DPF3: variants seen among roughly 807,000 people sequenced by gnomAD.
The protein encoded by DPF3 is double PHD fingers 3.
In DPF3, 18 loss-of-function variants were observed where a neutral mutation model predicts 56.8. The ratio of observed to expected loss-of-function variants is 0.32; its 90% CI spans 0.22 to 0.47. The LOEUF (loss-of-function observed/expected upper bound fraction) is 0.47. Among genes scored for constraint, DPF3 ranks in the 20% least tolerant of loss-of-function variants. The probability of loss-of-function intolerance (pLI) is 1.00; values close to 1 mark genes in which losing one functional copy is unlikely to be tolerated. For missense variants in DPF3, 403 were observed against 488.8 expected (o/e 0.82, Z 1.65); for synonymous variants, 188 against 180.2 (o/e 1.04, Z -0.35).
At chr14:72,836,396 C>G (rs1884295901) in intron 1 of DPF3, 12 of 985,546 alleles carry the variant, frequency 1.2e-5, no homozygotes, top group Non-Finnish European at 1.4e-5. Flanking sequence ...GGGGCAAACC[C>G]CTGGCCTACT....
At chr14:72,662,858 A>G in intron 8 of DPF3, 1 of 984,558 alleles carries the variant, frequency 1.0e-6, no homozygotes, top group Non-Finnish European at 1.2e-6. Flanking sequence ...GCAATGAAAG[A>G]TAAAACAAAA....
chr14:72,861,451 C>A (rs1221743163), intron 1 of DPF3, among the ~76,000 whole-genome samples: 1 of 152,110 alleles, frequency 6.6e-6, no homozygotes, highest in Admixed American at 6.6e-5. Context: ...ATGTTTCTCA[C>A]CCACTTTTGA....
At chr14:72,653,284 T>A (rs1205497885) in intron 8 of DPF3, among the ~76,000 whole-genome samples, 4 of 152,200 alleles carry the variant, frequency 2.6e-5, no homozygotes, top group African/African-American at 9.6e-5. Flanking sequence ...TGGTGATTAT[T>A]CAGCATGTCA....
chr14:72,817,135 C>T (rs1474530942), intron 1 of DPF3, among the ~76,000 whole-genome samples: 1 of 152,204 alleles, frequency 6.6e-6, no homozygotes, highest in Non-Finnish European at 1.5e-5. Flanking sequence ...TCCAGGGGTC[C>T]TCCACGGGCT....
intron 3 of DPF3, among the ~76,000 whole-genome samples, chr14:72,750,921 T>C (rs1890547308): frequency 6.6e-6 from 1 of 151,862 alleles, no homozygotes; most frequent in Admixed American, 6.6e-5. Context: ...CCAGGCACAG[T>C]AGCTCCTGCC....
At chr14:72,782,913 C>T (rs1892044599) in intron 1 of DPF3, among the ~76,000 whole-genome samples, 1 of 152,138 alleles carries the variant, frequency 6.6e-6, no homozygotes, top group Admixed American at 6.5e-5. Flanking sequence ...GCACTCAGAG[C>T]AAAATCCAAA....
intron 1 of DPF3, among the ~76,000 whole-genome samples, chr14:72,840,453 C>A (rs1397298832): frequency 6.6e-6 from 1 of 152,218 alleles, no homozygotes; most frequent in East Asian, 1.9e-4. Context: ...CTACTCACAG[C>A]CCCTGCCTTT....
chr14:72,697,237 C>T (rs1238189663), intron 6 of DPF3, among the ~76,000 whole-genome samples: 1 of 152,146 alleles, frequency 6.6e-6, no homozygotes, highest in South Asian at 2.1e-4. Context: ...CTAATATGTG[C>T]CCCACCCTGT....
chr14:72,840,598 A>G (rs1041219798), intron 1 of DPF3, among the ~76,000 whole-genome samples: 3 of 152,206 alleles, frequency 2.0e-5, no homozygotes, highest in African/African-American at 7.2e-5. Context: ...CAAAAATGGA[A>G]TTATACATCA....
chr14:72,711,140 T>C (rs1168807195), intron 6 of DPF3, among the ~76,000 whole-genome samples: 3 of 152,178 alleles, frequency 2.0e-5, no homozygotes, highest in Admixed American at 6.5e-5. Flanking sequence ...CCACTACACA[T>C]AAACCCAGAA....
chr14:72,748,421 T>C (rs780969786), intron 3 of DPF3, among the ~76,000 whole-genome samples: 11 of 151,264 alleles, frequency 7.3e-5, no homozygotes, highest in Non-Finnish European at 1.5e-4. Flanking sequence ...TTCAGTTTTA[T>C]AAGGGAAGCA....
At position 72,771,804 on chromosome 14, in the gene DPF3, A is replaced by T; in HGVS notation, c.122T>A (p.Phe41Tyr). The T allele has an allele frequency of 6.2e-7, 1 of 1,613,882 alleles. No individual in the cohort carries two copies. Among genetic ancestry groups the T allele is most frequent in the Non-Finnish European group, 8.5e-7 (1 of 1,179,856 alleles). Residue 41 changes from phenylalanine (F) to tyrosine (Y), a missense_variant, in exon 2 of 11, where the codon TTC becomes TAC. This residue lies in a region of DPF3 where 340 missense variants were observed against 374.3 expected (regional missense o/e 0.91). Transcript: ENST00000556509. ...GGCCACCCCAGTCTGTGAGTCCAGG[A>T]AGGGAAGACGCACGCTGCGCTCTGC... ...LCAERSVRLPFLDSQTGVAQN... is the reference protein window; with the variant it reads ...LCAERSVRLPYLDSQTGVAQN...
intron 1 of DPF3, among the ~76,000 whole-genome samples, chr14:72,872,090 T>C (rs1885922808): frequency 6.6e-6 from 1 of 152,216 alleles, no homozygotes; most frequent in African/African-American, 2.4e-5. Context: ...TGCCAACGCT[T>C]GGGGCTTCCA....
At chr14:72,764,913 G>A (rs1476786759) in intron 2 of DPF3, among the ~76,000 whole-genome samples, 1 of 152,126 alleles carries the variant, frequency 6.6e-6, no homozygotes, top group African/African-American at 2.4e-5. Flanking sequence ...TGAAGTTGAG[G>A]CAGTGCTGTG....
chr14:72,670,586 G>C (rs75304008), intron 8 of DPF3: 2 of 986,868 alleles, frequency 2.0e-6, no homozygotes, highest in Non-Finnish European at 1.2e-6. Flanking sequence ...TCTCCCCACC[G>C]GGCGGCTTGC....
At chr14:72,628,131 G>A (rs1884941888) in intron 9 of DPF3, among the ~76,000 whole-genome samples, 1 of 152,052 alleles carries the variant, frequency 6.6e-6, no homozygotes, top group African/African-American at 2.4e-5. Flanking sequence ...ATTAGGTAAT[G>A]TCTCTAGAAT....
Position 72,629,700 on chromosome 14 carries a change from G to A in DPF3, c.908C>T (p.Thr303Ile), listed in dbSNP as rs1274320597. Residue 303 changes from threonine (T) to isoleucine (I), a missense_variant, in exon 9 of 11, where the codon ACC (threonine) becomes ATC (isoleucine). Transcript: ENST00000556509. ...CCACTTGTAGGTCTTGACAGCCTCG[G>A]TCATGTTCAGGGTAAACTGCAGGCA... ...PTCLQFTLNMTEAVKTYKWQC... is the reference protein window; with the variant it reads ...PTCLQFTLNMIEAVKTYKWQC... The A allele has an allele frequency of 6.5e-7, 1 of 1,536,108 alleles. No individual in the cohort carries two copies. The highest frequency in any genetic ancestry group is 8.7e-7 in the Non-Finnish European group (1 of 1,146,880).
rs55820708 is a variant in DPF3 at position 72,624,333 on chromosome 14, C to CTTTTTTTTTTTTT, written c.985-4362_985-4350dup. Among the ~76,000 whole-genome samples, 61 of 97,802 alleles carry CTTTTTTTTTTTTT rather than the reference C, an allele frequency of 6.2e-4. 1 individual carries two copies. Among genetic ancestry groups the CTTTTTTTTTTTTT allele is most frequent in the African/African-American group, 2.1e-3 (55 of 25,850 alleles). 64.2% of individuals were successfully genotyped at this position (97,802 alleles called of 152,430 possible). Reference sequence around the variant, plus strand: ...TTCTCCAGTTTTCCCACCTATGTCTCTTTTTTTTTTTTTTTTTTTTTCTGA... The same window carrying CTTTTTTTTTTTTT: ...TTCTCCAGTTTTCCCACCTATGTCTCTTTTTTTTTTTTTTTTTTTTTTTTTTTTTTTTTTCTGA... On this transcript the variant is annotated intron_variant, in intron 9 of 10. Coordinates refer to ENST00000556509, the MANE Select transcript of DPF3 (RefSeq NM_001280542.3).
rs144031181 is a variant in DPF3, at chr14:72,670,358, T to C, written c.871+3882A>G. Reference sequence around the variant, plus strand: ...AGCAATAACAAAACAGCAGCTCTACTGACGGAGGAGGAGGAGCCCAGGAGG... The same window carrying C: ...AGCAATAACAAAACAGCAGCTCTACCGACGGAGGAGGAGGAGCCCAGGAGG... On this transcript the variant is annotated intron_variant, in intron 8 of 10. Transcript: ENST00000556509. 5.3e-4 allele frequency: 519 copies of C among 986,344 alleles called. 1 individual carries two copies. In the African/African-American group the frequency reaches 8.1e-3, roughly 15 times the overall value. 61.1% of individuals were successfully genotyped at this position (986,344 alleles called of 1,614,324 possible).
Sources: allele counts gnomAD v4.1 joint callset (sites outside exome capture counted in the v4.1 genomes callset), GRCh38; gene constraint gnomAD v4.1.1; regional missense constraint gnomAD v4.1.1; transcripts MANE v1.5; gene names NCBI Gene and HGNC (gene_info 2026-07-23, HGNC 2026-07-21).